The following MRTFB variants were observed in gnomAD, a reference collection of about 807,000 sequenced individuals.
The protein encoded by MRTFB is myocardin related transcription factor B, also known as myocardin-related transcription factor B.
In MRTFB, 29 loss-of-function variants were observed where a neutral mutation model predicts 104.2. That is an observed-to-expected ratio of 0.28 (90% confidence interval 0.21 to 0.38). The LOEUF (loss-of-function observed/expected upper bound fraction) is 0.38, where lower values mean the gene tolerates loss of function less well. MRTFB is among the 10% of genes least tolerant of loss of function. MRTFB has a pLI of 1.00. For synonymous variants in MRTFB, 535 were observed against 519.5 expected, an observed-to-expected ratio of 1.03 and a Z score of -0.41; for missense variants, 1,270 against 1,341.6, an observed-to-expected ratio of 0.95 and a Z score of 0.83.
intron 3 of MRTFB, among the ~76,000 whole-genome samples, chr16:14,162,085 G>T (rs1034105053): frequency 2.7e-5 from 4 of 150,006 alleles, no homozygotes; most frequent in Admixed American, 2.0e-4. Flanking sequence ...AGAGGCCAAG[G>T]TGGGAGTATC....
At chr16:14,028,194 A>G in the MRTFB span, among the ~76,000 whole-genome samples, 1 of 96,966 alleles carries the variant, frequency 1.0e-5, no homozygotes, top group African/African-American at 3.0e-5. Context: ...AAAAAAACAA[A>G]CAAACACAAC....
intron 2 of MRTFB, among the ~76,000 whole-genome samples, chr16:14,088,686 C>T (rs2034870555): frequency 6.6e-6 from 1 of 152,152 alleles, no homozygotes; most frequent in African/African-American, 2.4e-5. Flanking sequence ...TTTAGCAGCA[C>T]TCTGAGATGA....
chr16:14,245,058 C>T (rs1012911165), intron 10 of MRTFB, among the ~76,000 whole-genome samples: 1 of 152,184 alleles, frequency 6.6e-6, no homozygotes, highest in Admixed American at 6.5e-5. Context: ...TCCAACGTAG[C>T]ATGGCACCAT....
At chr16:14,236,601 T>G (rs1013815193) in intron 9 of MRTFB, among the ~76,000 whole-genome samples, 1 of 152,122 alleles carries the variant, frequency 6.6e-6, no homozygotes, top group South Asian at 2.1e-4. Flanking sequence ...AGATGACATT[T>G]GGACAGAGAT....
intron 15 of MRTFB, among the ~76,000 whole-genome samples, chr16:14,253,440 A>G (rs1449945938): frequency 2.0e-5 from 3 of 152,170 alleles, no homozygotes; most frequent in South Asian, 2.1e-4. Flanking sequence ...CCCGTGTTCC[A>G]TGGGGTAACT....
At chr16:14,194,995 G>A (rs530407287) in intron 3 of MRTFB, among the ~76,000 whole-genome samples, 1 of 152,252 alleles carries the variant, frequency 6.6e-6, no homozygotes, top group South Asian at 2.1e-4. Flanking sequence ...TATTGAAGCA[G>A]GTGAATGCAC....
At chr16:14,018,456 T>C in the MRTFB span, among the ~76,000 whole-genome samples, 1 of 152,244 alleles carries the variant, frequency 6.6e-6, no homozygotes, top group Non-Finnish European at 1.5e-5. Context: ...CTGAGCTCAT[T>C]AATTCTAGAT....
At chr16:14,069,118 C>A (rs1281018287), upstream of MRTFB, among the ~76,000 whole-genome samples, 2 of 151,974 alleles carry the variant, frequency 1.3e-5, no homozygotes, top group African/African-American at 4.8e-5. Context: ...TACAGGCACC[C>A]ATCACCACAC....
intron 8 of MRTFB, among the ~76,000 whole-genome samples, chr16:14,230,224 G>C (rs915603487): frequency 6.6e-6 from 1 of 152,076 alleles, no homozygotes; most frequent in African/African-American, 2.4e-5. Flanking sequence ...AGGCATGGGC[G>C]AGGACTTCAT....
intron 8 of MRTFB, among the ~76,000 whole-genome samples, chr16:14,224,878 C>G (rs2041927248): frequency 6.6e-6 from 1 of 152,132 alleles, no homozygotes; most frequent in South Asian, 2.1e-4. Flanking sequence ...GATAGTAACT[C>G]AAAGCCATAT....
intron 6 of MRTFB, chr16:14,214,833 T>C (rs552694803): frequency 2.6e-5 from 4 of 152,314 alleles, no homozygotes; most frequent in South Asian, 4.1e-4. Context: ...TCTTCTATTG[T>C]AAAGAATCTT....
chr16:14,145,021 C>CTATATTTTGTCTAT (rs2142681240), intron 3 of MRTFB, among the ~76,000 whole-genome samples: 1 of 146,436 alleles, frequency 6.8e-6, no homozygotes, highest in African/African-American at 2.5e-5. Flanking sequence ...TAACTTTTGT[C>CTATATTTTGTCTAT]AGTTTCAAAA....
intron 3 of MRTFB, among the ~76,000 whole-genome samples, chr16:14,187,969 C>A (rs1405320464): frequency 6.6e-6 from 1 of 152,140 alleles, no homozygotes; most frequent in Non-Finnish European, 1.5e-5. Flanking sequence ...TCTTGCCCGT[C>A]TTATAGAGAC....
At chr16:14,040,703 T>A in the MRTFB span, among the ~76,000 whole-genome samples, 1 of 152,182 alleles carries the variant, frequency 6.6e-6, no homozygotes, top group African/African-American at 2.4e-5. Context: ...CCTCAAGTGA[T>A]CTACCCACCT....
intron 4 of MRTFB, 79 bp downstream of exon 4, chr16:14,210,387 C>G: frequency 9.0e-7 from 1 of 1,111,170 alleles, no homozygotes. Context: ...GCATCTTGCT[C>G]TGCTTTCAGT....
At chr16:14,089,014 A>C (rs1215924392) in intron 2 of MRTFB, among the ~76,000 whole-genome samples, 5 of 152,156 alleles carry the variant, frequency 3.3e-5, no homozygotes, top group African/African-American at 1.2e-4. Flanking sequence ...ATTGGTAGGA[A>C]AATAAATTAT....
Position 14,240,481 on chromosome 16 carries a change from T to C in MRTFB, c.1076T>C (p.Phe359Ser). ...TACCAGACCATCCTGCCTGCACCAT[T>C]CAAGTACGGCGGGGCCCATGCTATC... ...YNYQTILPAP[F>S]KPLNDKNSNS... Residue 359 changes from phenylalanine (F) to serine (S), a missense_variant, in exon 10 of 17, where the codon TTC becomes TCC. By Grantham distance (155) the Phe-to-Ser change is radical. This residue lies in a region of MRTFB where 1,144 missense variants were observed against 1,131.5 expected (regional missense o/e 1.01). Coordinates refer to ENST00000571589, the MANE Select transcript of MRTFB (RefSeq NM_001308142.2). 1 of 1,614,240 alleles carries C rather than the reference T, an allele frequency of 6.2e-7. No individual in the cohort carries two copies. Among genetic ancestry groups the C allele is most frequent in the East Asian group, 2.2e-5 (1 of 44,888 alleles).
rs142062484 is a variant in MRTFB, at chr16:14,177,903, GGTGTGTGTGT to G, written c.155-32316_155-32307del. ...CGAGAAGTACATGAACCAGAGGTAG[GGTGTGTGTGT>G]GTGTGTGTGTGTGTGTGTGTGTGCA... On this transcript the variant is annotated intron_variant, in intron 3 of 16. Transcript: ENST00000571589. The surrounding 1 kb of genome is among the most constrained non-coding windows in gnomAD (Gnocchi z 4.7). 1.2e-4 allele frequency among the ~76,000 whole-genome samples: 18 copies of G among 146,072 alleles called. No homozygotes were observed. The highest frequency in any genetic ancestry group is 6.2e-4 in the Admixed American group (9 of 14,582).
intron 3 of MRTFB, chr16:14,170,411 C>T (rs1380013520): frequency 6.6e-6 from 1 of 152,164 alleles, no homozygotes; most frequent in Non-Finnish European, 1.5e-5. Context: ...CCTGTCTTTC[C>T]CTGTCTGTTA....
Sources: gnomAD v4.1 joint callset for allele counts (sites outside exome capture counted in the v4.1 genomes callset) on GRCh38, gnomAD v4.1.1 for gene constraint, gnomAD v4.1.1 regional missense constraint, Gnocchi (gnomAD v3.1) non-coding constraint, MANE v1.5 for transcripts, NCBI Gene and HGNC (gene_info 2026-07-23, HGNC 2026-07-21) for gene names.